The following MTCL1 variants were observed in gnomAD, a reference collection of about 807,000 sequenced individuals.
The protein encoded by MTCL1 is microtubule crosslinking factor 1.
MTCL1 carries 79 observed loss-of-function variants against 141.4 expected under a neutral mutation model. That is an observed-to-expected ratio of 0.56 (90% CI 0.47 to 0.67). MTCL1 has a LOEUF of 0.67. MTCL1 is among the 30% of genes least tolerant of loss of function. MTCL1 has a pLI of 0.00. For missense variants in MTCL1, 2,177 were observed against 2,113.9 expected (o/e 1.03, Z -0.59); for synonymous variants, 914 against 875.8 (o/e 1.04, Z -0.77).
rs148376266 is a variant in MTCL1 at position 8,766,901 on chromosome 18, A to G, written c.358-10932A>G. 6.3e-3 allele frequency among the ~76,000 whole-genome samples: 960 copies of G among 152,232 alleles called. 8 individuals carry two copies. The highest frequency in any genetic ancestry group is 0.022 in the African/African-American group (919 of 41,542). On this transcript the variant is annotated intron_variant, in intron 4 of 16. Coordinates refer to ENST00000359865, the Ensembl canonical transcript of MTCL1. The stretch of plus-strand genomic sequence containing the variant: ...GTTGCCTTTTAGGGGAAGCTTGTTC[A>G]TTCCCAGCCCTCACTGGCTGACCCA...
intron 7 of MTCL1, 86 bp downstream of exon 6, chr18:8,786,177 G>A (rs549314429): frequency 8.5e-5 from 119 of 1,401,750 alleles, no homozygotes; most frequent in African/African-American, 7.6e-4. Flanking sequence ...TGTCCCGGAC[G>A]AGGCCCTGAG....
chr18:8,804,918 G>A (rs1450255592), intron 10 of MTCL1, among the ~76,000 whole-genome samples: 1 of 151,438 alleles, frequency 6.6e-6, no homozygotes, highest in East Asian at 1.9e-4. Flanking sequence ...TTGAGCCCAG[G>A]AGGTTGAGGC....
intron 4 of MTCL1, among the ~76,000 whole-genome samples, chr18:8,775,021 C>G (rs1328238705): frequency 6.6e-6 from 1 of 152,162 alleles, no homozygotes; most frequent in Non-Finnish European, 1.5e-5. Context: ...AGAATGTGCT[C>G]TAGCCACCAG....
rs150013343 is a variant in MTCL1 at position 8,745,463 on chromosome 18, G to A, written c.357+24967G>A. On this transcript the variant is annotated intron_variant, in intron 4 of 16. Coordinates refer to ENST00000359865, the Ensembl canonical transcript of MTCL1. ...TGTGACATTCTTACATGCTGATGCC[G>A]GCAGCTGGAGTTCATTCATTTTTAC... Among the ~76,000 whole-genome samples, 19 of 152,250 alleles carry A rather than the reference G, an allele frequency of 1.2e-4. No homozygotes were observed. The East Asian group carries it at 3.3e-3, about 26-fold the overall frequency.
chr18:8,719,766 C>T (rs2096155627), intron 3 of MTCL1, among the ~76,000 whole-genome samples: 1 of 152,066 alleles, frequency 6.6e-6, no homozygotes. Flanking sequence ...GACAGGGTCT[C>T]ACTGTGTTTC....
chr18:8,745,864 T>C, intron 4 of MTCL1, among the ~76,000 whole-genome samples: 1 of 152,156 alleles, frequency 6.6e-6, no homozygotes, highest in East Asian at 1.9e-4. Flanking sequence ...GAAGTGAAAC[T>C]CTGTACCCAT....
At position 8,830,297 on chromosome 18, in the gene MTCL1, T is replaced by C. The variant is rs2077156846; in HGVS notation, c.*19-1310T>C. The C allele has an allele frequency of 1.7e-5, 17 of 985,478 alleles. No individual in the cohort carries two copies. Among genetic ancestry groups the C allele is most frequent in the Non-Finnish European group, 2.0e-5 (17 of 829,976 alleles). 61.0% of individuals were successfully genotyped at this position (985,478 alleles called of 1,614,324 possible). A position where few individuals can be genotyped will look rare whatever the true frequency, so the allele number is the denominator to read the frequency against. On this transcript the variant is annotated intron_variant, in intron 16 of 16. Coordinates refer to ENST00000359865, the Ensembl canonical transcript of MTCL1. The surrounding 1 kb of genome is among the most constrained non-coding windows in gnomAD (Gnocchi z 6.4). ...TGCTTTGGGAACAGAAGCTTCTCCCTGTGGCCGTATGAAGTTCCAGCCACA... is the reference window on the plus strand; with the variant it reads ...TGCTTTGGGAACAGAAGCTTCTCCCCGTGGCCGTATGAAGTTCCAGCCACA...
At chr18:8,802,380 A>G (rs946543357) in intron 10 of MTCL1, 2 of 152,222 alleles carry the variant, frequency 1.3e-5, no homozygotes, top group African/African-American at 4.8e-5. Flanking sequence ...GATTAATCCT[A>G]TCTCCAAAGT....
chr18:8,758,833 G>C (rs2096415728), intron 4 of MTCL1, among the ~76,000 whole-genome samples: 1 of 152,310 alleles, frequency 6.6e-6, no homozygotes, highest in East Asian at 1.9e-4. Flanking sequence ...GATACCCAGG[G>C]AAACCAGATG....
At chr18:8,804,049 A>C (rs896923334) in intron 10 of MTCL1, among the ~76,000 whole-genome samples, 1 of 152,202 alleles carries the variant, frequency 6.6e-6, no homozygotes, top group Non-Finnish European at 1.5e-5. Context: ...AATCTGGATC[A>C]AAATTATTAT....
chr18:8,725,093 A>G (rs1228481582), intron 4 of MTCL1, among the ~76,000 whole-genome samples: 1 of 151,954 alleles, frequency 6.6e-6, no homozygotes, highest in Non-Finnish European at 1.5e-5. Context: ...TAATTCTTTC[A>G]CTGAACAGTA....
At chr18:8,791,517 C>G (rs769186631) in intron 7 of MTCL1, among the ~76,000 whole-genome samples, 2 of 151,036 alleles carry the variant, frequency 1.3e-5, no homozygotes, top group African/African-American at 2.4e-5. Context: ...TTGGCAGACA[C>G]GGCAAATAGC....
chr18:8,791,150 G>A (rs983332476), intron 7 of MTCL1, among the ~76,000 whole-genome samples: 2 of 152,188 alleles, frequency 1.3e-5, no homozygotes, highest in Admixed American at 6.5e-5. Flanking sequence ...AGGAGATGGG[G>A]CCTGGGCCCA....
chr18:8,807,345 C>A (rs770609494), intron 11 of MTCL1, among the ~76,000 whole-genome samples: 3 of 152,176 alleles, frequency 2.0e-5, no homozygotes, highest in Non-Finnish European at 4.4e-5. Flanking sequence ...CATCAGAGGA[C>A]GGCCAGGCTG....
chr18:8,753,905 C>T (rs2096384234), intron 4 of MTCL1, among the ~76,000 whole-genome samples: 1 of 152,086 alleles, frequency 6.6e-6, no homozygotes, highest in African/African-American at 2.4e-5. Context: ...TCTGAGAGGA[C>T]TGTTACAATT....
chr18:8,820,993 A>G (rs996615439), intron 13 of MTCL1, among the ~76,000 whole-genome samples: 4 of 152,208 alleles, frequency 2.6e-5, no homozygotes, highest in South Asian at 4.1e-4. Context: ...GCCCGAGTCT[A>G]AGGATGTCAC....
chr18:8,824,708 C>T (rs372236045), exon 15 of MTCL1: 39 of 1,610,622 alleles, frequency 2.4e-5, no homozygotes, highest in Non-Finnish European at 2.8e-5. Flanking sequence ...GGGCGGTGTC[C>T]GTGTCCTCCA....
Position 8,783,448 on chromosome 18 carries a change from C to A in MTCL1, c.418-82C>A, listed in dbSNP as rs376811768. 7.1e-6 allele frequency: 9 copies of A among 1,263,272 alleles called. No homozygotes were observed. In the South Asian group the frequency reaches 1.1e-4, roughly 15 times the overall value. The allele number at this position is 1,263,272 out of a possible 1,614,324, so 78.3% of individuals were successfully genotyped here. A position where few individuals can be genotyped will look rare whatever the true frequency, so the allele number is the denominator to read the frequency against. On this transcript the variant is annotated intron_variant, in intron 5 of 16. Transcript: ENST00000359865. ...GTTTGATGTTTGTGTGCATTGGGGG[C>A]GAGGTGTGAGGGGAATCATGAAAAA...
intron 4 of MTCL1, among the ~76,000 whole-genome samples, chr18:8,777,059 C>G (rs1357018591): frequency 6.6e-6 from 1 of 152,084 alleles, no homozygotes; most frequent in Admixed American, 6.5e-5. Context: ...ACGGTGAAAC[C>G]CCGTCTCTAC....
Sources: allele counts gnomAD v4.1 joint callset (sites outside exome capture counted in the v4.1 genomes callset), GRCh38; gene constraint gnomAD v4.1.1; non-coding constraint Gnocchi (gnomAD v3.1); transcripts MANE v1.5; gene names NCBI Gene and HGNC (gene_info 2026-07-23, HGNC 2026-07-21).